ERBB2: variants seen among roughly 807,000 people sequenced by gnomAD.
The protein encoded by ERBB2 is receptor tyrosine-protein kinase erbB-2.
A neutral mutation model predicts 149.0 loss-of-function variants in ERBB2; 61 were observed. That is an observed-to-expected ratio of 0.41 (90% CI 0.33 to 0.51). ERBB2 has a LOEUF of 0.51. ERBB2 is among the 20% of genes least tolerant of loss of function. ERBB2 has a pLI of 0.25. For missense variants in ERBB2, 1,205 were observed against 1,655.1 expected (o/e 0.73, Z 4.72); for synonymous variants, 633 against 678.8 (o/e 0.93, Z 1.05).
intron 3 of ERBB2, 93 bp downstream of exon 3, chr17:39,708,627 T>C: frequency 1.0e-6 from 1 of 995,412 alleles, no homozygotes; most frequent in Non-Finnish European, 1.5e-6. Flanking sequence ...GCATTAGAAA[T>C]GGTGTCCCTT....
At chr17:39,707,180 GCT>G in intron 2 of ERBB2, 39 bp downstream of exon 2, 1 of 1,493,662 alleles carries the variant, frequency 6.7e-7, no homozygotes, top group Middle Eastern at 1.9e-4. Context: ...CCTGCCTCCA[GCT>G]GGGCTGAGCC....
rs370816244 is a variant in ERBB2 at position 39,725,091 on chromosome 17, T to C, written c.2536T>C (p.Leu846=). The C allele has an allele frequency of 1.7e-5, 28 of 1,614,056 alleles. No individual in the cohort carries two copies. Among genetic ancestry groups the C allele is most frequent in the Non-Finnish European group, 2.3e-5 (27 of 1,180,038 alleles). The change falls in exon 21 of 27, where the codon TTG becomes CTG. Residue 846 remains leucine, a synonymous_variant. Coordinates refer to ENST00000269571, the MANE Select transcript of ERBB2 (RefSeq NM_004448.4). The surrounding 1 kb of genome is among the most constrained non-coding windows in gnomAD (Gnocchi z 4.6). Reference sequence around the variant, plus strand: ...GGATGTGCGGCTCGTACACAGGGACTTGGCCGCTCGGAACGTGCTGGTCAA... The same window carrying C: ...GGATGTGCGGCTCGTACACAGGGACCTGGCCGCTCGGAACGTGCTGGTCAA... ...LEDVRLVHRD[L]AARNVLVKSP...
At position 39,727,479 on chromosome 17, in the gene ERBB2, A is replaced by T. The variant is rs1207872588; in HGVS notation, c.3344A>T (p.Asp1115Val). 1.2e-6 allele frequency: 2 copies of T among 1,603,954 alleles called. No individual in the cohort carries two copies. Among genetic ancestry groups the T allele is most frequent in the Non-Finnish European group, 1.7e-6 (2 of 1,176,814 alleles). Residue 1115 changes from aspartate (D) to valine (V), a missense_variant, in exon 26 of 27, where the codon GAC becomes GTC. Asp to Val is a radical substitution (Grantham distance 152, BLOSUM62 -3). This residue lies in a region of ERBB2 where 312 missense variants were observed against 343.8 expected (regional missense o/e 0.91). Transcript: ENST00000269571. This position sits in a 1 kb window ranked among gnomAD's most constrained non-coding sequence, Gnocchi z 4.3. ...DPSPLQRYSE[D>V]PTVPLPSETD... ...AGCCCTCTACAGCGGTACAGTGAGG[A>T]CCCCACAGTACCCCTGCCCTCTGAG...
intron 7 of ERBB2, 90 bp from the exon 8 acceptor site, chr17:39,711,838 T>G (rs200914443): frequency 4.6e-5 from 69 of 1,503,824 alleles, no homozygotes; most frequent in Middle Eastern, 3.4e-4. Flanking sequence ...TTGGTTGATA[T>G]TATTCTTCTT....
rs1184294117 is a variant in ERBB2, at chr17:39,725,062, T to G, written c.2507T>G (p.Leu836Arg). ...TTCCCATTCCAGGGGATGAGCTACC[T>G]GGAGGATGTGCGGCTCGTACACAGG... Reference protein sequence around the residue: ...CMQIAKGMSYLEDVRLVHRDL... With the variant: ...CMQIAKGMSYREDVRLVHRDL... The change falls in exon 21 of 27, where the codon CTG becomes CGG. Residue 836 changes from leucine (L) to arginine (R), a missense_variant. This residue lies in a region of ERBB2 where 152 missense variants were observed against 318.1 expected (regional missense o/e 0.48). Transcript: ENST00000269571. This position sits in a 1 kb window ranked among gnomAD's most constrained non-coding sequence, Gnocchi z 4.6. The G allele has an allele frequency of 6.2e-7, 1 of 1,614,118 alleles. No individual in the cohort carries two copies. The highest frequency in any genetic ancestry group is 8.5e-7 in the Non-Finnish European group (1 of 1,180,010).
chr17:39,727,173 G>A lies in ERBB2; in HGVS notation c.3160-122G>A, dbSNP rs1458588875. The A allele has an allele frequency of 1.8e-5, 24 of 1,323,706 alleles. No individual in the cohort carries two copies. Among genetic ancestry groups the A allele is most frequent in the Non-Finnish European group, 2.2e-5 (21 of 947,816 alleles). 82.0% of individuals were successfully genotyped at this position (1,323,706 alleles called of 1,614,324 possible). A position where few individuals can be genotyped will look rare whatever the true frequency, so the allele number is the denominator to read the frequency against. On this transcript the variant is annotated intron_variant, in intron 25 of 26. Coordinates refer to ENST00000269571, the MANE Select transcript of ERBB2 (RefSeq NM_004448.4). The surrounding 1 kb of genome is among the most constrained non-coding windows in gnomAD (Gnocchi z 4.3). ...ACCCCTGTGACCCCATTCTCTCCACGGTGACTGTGTCATACCCCAAAGGTG... is the reference window on the plus strand; with the variant it reads ...ACCCCTGTGACCCCATTCTCTCCACAGTGACTGTGTCATACCCCAAAGGTG...
At chr17:39,688,571 A>C (rs1431663409) in intron 1 of ERBB2, 16 of 152,312 alleles carry the variant, frequency 1.1e-4, no homozygotes, top group Admixed American at 1.0e-3. Flanking sequence ...ACCCTGCCTG[A>C]TTTGGCCCCT....
Position 39,723,954 on chromosome 17 carries a change from G to T in ERBB2, c.2251G>T (p.Ala751Ser). Residue 751 changes from alanine (A) to serine (S), a missense_variant, in exon 19 of 27, where the codon GCC becomes TCC. Physicochemically the swap from Ala to Ser is moderately conservative, Grantham distance 99 (BLOSUM62 1). Coordinates refer to ENST00000269571, the MANE Select transcript of ERBB2 (RefSeq NM_004448.4). The surrounding 1 kb of genome is among the most constrained non-coding windows in gnomAD (Gnocchi z 6.2). ...PDGENVKIPV[A>S]IKVLRENTSP... is the part of the protein sequence containing the mutation. ...TGGGGAGAATGTGAAAATTCCAGTG[G>T]CCATCAAAGTGTTGAGGGAAAACAC... 6.2e-7 allele frequency: 1 copy of T among 1,614,068 alleles called. No individual in the cohort carries two copies. The highest frequency in any genetic ancestry group is 8.5e-7 in the Non-Finnish European group (1 of 1,179,978).
chr17:39,705,021 T>A (rs1393844954), intron 1 of ERBB2, among the ~76,000 whole-genome samples: 1 of 152,130 alleles, frequency 6.6e-6, no homozygotes, highest in African/African-American at 2.4e-5. Context: ...TGAGTTCCAG[T>A]CCTGCCTGTT....
At chr17:39,707,614 G>GA (rs2058527341) in intron 2 of ERBB2, 1 of 154,344 alleles carries the variant, frequency 6.5e-6, no homozygotes, top group African/African-American at 2.4e-5. Context: ...AAATGTCTGT[G>GA]AAAAGGTTAT....
rs753460336 is a variant in ERBB2, at chr17:39,726,598, G to A, written c.2909G>A (p.Arg970Gln). 20 of 1,614,044 alleles carry A rather than the reference G, an allele frequency of 1.2e-5. No individual in the cohort carries two copies. Among genetic ancestry groups the A allele is most frequent in the East Asian group, 2.2e-5 (1 of 44,880 alleles). ...GACTCTGAATGTCGGCCAAGATTCC[G>A]GGAGTTGGTGTCTGAATTCTCCCGC... The part of the protein sequence containing the change: ...MIDSECRPRF[R>Q]ELVSEFSRMA... Residue 970 changes from arginine to glutamine, a missense_variant, in exon 24 of 27, where the codon CGG becomes CAG. By Grantham distance (43) the Arg-to-Gln change is conservative. Transcript: ENST00000269571. This position sits in a 1 kb window ranked among gnomAD's most constrained non-coding sequence, Gnocchi z 5.1.
At position 39,715,893 on chromosome 17, in the gene ERBB2, G is replaced by A. The variant is rs147076339; in HGVS notation, c.1467G>A (p.Pro489=). The A allele has an allele frequency of 2.9e-4, 461 of 1,612,106 alleles. No individual in the cohort carries two copies. Among genetic ancestry groups the A allele is most frequent in the East Asian group, 8.2e-4 (37 of 44,874 alleles). ...TVPWDQLFRN[P]HQALLHTANR... ...CCTGGGACCAGCTCTTTCGGAACCCGCACCAAGCTCTGCTCCACACTGCCA... is the reference window on the plus strand; with the variant it reads ...CCTGGGACCAGCTCTTTCGGAACCCACACCAAGCTCTGCTCCACACTGCCA... The change falls in exon 12 of 27, where the codon CCG becomes CCA. Residue 489 remains proline, a synonymous_variant. Transcript: ENST00000269571.
At chr17:39,720,999 C>G (rs766874423) in intron 16 of ERBB2, among the ~76,000 whole-genome samples, 49 of 152,220 alleles carry the variant, frequency 3.2e-4, no homozygotes, top group Middle Eastern at 3.4e-3. Context: ...GCTCTCTTGT[C>G]CAGTCTTGAA....
chr17:39,691,934 CATAT>C (rs57592884), upstream of ERBB2, among the ~76,000 whole-genome samples: 483 of 120,738 alleles, frequency 4.0e-3, 2 homozygotes, highest in African/African-American at 0.015. Context: ...TATACATATA[CATAT>C]ATATATATAT....
Position 39,723,431 on chromosome 17 carries a change from A to T in ERBB2, c.2059A>T (p.Met687Leu), listed in dbSNP as rs1402335179. Residue 687 changes from methionine (M) to leucine (L), a missense_variant, in exon 17 of 27, where the codon ATG becomes TTG. Met to Leu is a conservative substitution (Grantham distance 15, BLOSUM62 2). Transcript: ENST00000269571. This position sits in a 1 kb window ranked among gnomAD's most constrained non-coding sequence, Gnocchi z 6.2. The part of the protein sequence containing the change: ...RRQQKIRKYT[M>L]RRLLQETELV... ...GCAGCAGAAGATCCGGAAGTACACG[A>T]TGCGGAGACTGCTGCAGGAAACGGA... is the stretch of plus-strand genomic sequence containing the variant. The T allele has an allele frequency of 6.2e-7, 1 of 1,614,164 alleles. No individual in the cohort carries two copies. Among genetic ancestry groups the T allele is most frequent in the Non-Finnish European group, 8.5e-7 (1 of 1,180,040 alleles).
chr17:39,692,832 G>A (rs148433544), upstream of ERBB2, among the ~76,000 whole-genome samples: 3 of 152,080 alleles, frequency 2.0e-5, no homozygotes, highest in South Asian at 2.1e-4. Flanking sequence ...GGCCGAGGCC[G>A]GCGGCAGATC....
Position 39,726,015 on chromosome 17 carries a change from C to T in ERBB2, c.2872+162C>T. 1 of 675,504 alleles carries T rather than the reference C, an allele frequency of 1.5e-6. No homozygotes were observed. Among genetic ancestry groups the T allele is most frequent in the East Asian group, 2.8e-5 (1 of 35,132 alleles). The allele number at this position is 675,504 out of a possible 1,614,324, so 41.8% of individuals were successfully genotyped here. A position where few individuals can be genotyped will look rare whatever the true frequency, so the allele number is the denominator to read the frequency against. ...TTGTATCCCTTTTACAGTCAAAGTC[C>T]AAAGCCACTCTTGAGGAACACTCTT... On this transcript the variant is annotated intron_variant, in intron 23 of 26. Coordinates refer to ENST00000269571, the MANE Select transcript of ERBB2 (RefSeq NM_004448.4). This position sits in a 1 kb window ranked among gnomAD's most constrained non-coding sequence, Gnocchi z 5.1.
Position 39,728,563 on chromosome 17 carries a change from G to A in ERBB2, c.*519G>A, listed in dbSNP as rs2059900833. 1 of 233,534 alleles carries A rather than the reference G, an allele frequency of 4.3e-6. No individual in the cohort carries two copies. The highest frequency in any genetic ancestry group is 8.5e-6 in the Non-Finnish European group (1 of 118,286). The allele number at this position is 233,534 out of a possible 1,614,324, so 14.5% of individuals were successfully genotyped here. A position where few individuals can be genotyped will look rare whatever the true frequency, so the allele number is the denominator to read the frequency against. On this transcript the variant is annotated 3_prime_UTR_variant, in exon 27 of 27. Transcript: ENST00000269571. Reference sequence around the variant, plus strand: ...TTTGTTTTTTTAAAGATGAAATAAAGACCCAGGGGGAGAATGGGTGTTGTA... The same window carrying A: ...TTTGTTTTTTTAAAGATGAAATAAAAACCCAGGGGGAGAATGGGTGTTGTA...
intron 19 of ERBB2, 58 bp downstream of exon 19, chr17:39,724,068 C>A (rs2145830620): frequency 8.0e-7 from 1 of 1,251,294 alleles, no homozygotes; most frequent in Non-Finnish European, 1.1e-6. Flanking sequence ...GGCTGCAGGT[C>A]TGGGCTCTGG....
Sources: gnomAD v4.1 joint callset for allele counts (sites outside exome capture counted in the v4.1 genomes callset) on GRCh38, gnomAD v4.1.1 for gene constraint, gnomAD v4.1.1 regional missense constraint, Gnocchi (gnomAD v3.1) non-coding constraint, MANE v1.5 for transcripts, NCBI Gene and HGNC (gene_info 2026-07-23, HGNC 2026-07-21) for gene names.